Variants in SHISA9 observed in about 807,000 individuals in gnomAD.
SHISA9 encodes the protein protein shisa-9.
A neutral mutation model predicts 38.0 loss-of-function variants in SHISA9; 13 were observed. The ratio of observed to expected loss-of-function variants is 0.34; its 90% CI spans 0.22 to 0.54. The LOEUF (loss-of-function observed/expected upper bound fraction) is 0.54. SHISA9 is among the 20% of genes least tolerant of loss of function. The probability of loss-of-function intolerance (pLI) is 0.91; values close to 1 mark genes in which losing one functional copy is unlikely to be tolerated. For missense variants in SHISA9, 538 were observed against 575.8 expected, an observed-to-expected ratio of 0.93 and a Z score of 0.67; for synonymous variants, 275 against 242.0, an observed-to-expected ratio of 1.14 and a Z score of -1.27.
chr16:13,515,163 A>G, the SHISA9 span, among the ~76,000 whole-genome samples: 1 of 152,206 alleles, frequency 6.6e-6, no homozygotes, highest in African/African-American at 2.4e-5. Flanking sequence ...CCCCTGCTCA[A>G]TGTTGTTGTG....
chr16:13,543,144 G>A, the SHISA9 span, among the ~76,000 whole-genome samples: 1 of 152,212 alleles, frequency 6.6e-6, no homozygotes, highest in East Asian at 1.9e-4. Flanking sequence ...GACAGGTGAG[G>A]TCTCTGGCCT....
At chr16:13,421,572 A>G in the SHISA9 span, among the ~76,000 whole-genome samples, 1 of 152,198 alleles carries the variant, frequency 6.6e-6, no homozygotes, top group African/African-American at 2.4e-5. Flanking sequence ...TACGGGAGCT[A>G]CAATTCAAAA....
At chr16:13,545,817 A>T in the SHISA9 span, among the ~76,000 whole-genome samples, 3 of 152,034 alleles carry the variant, frequency 2.0e-5, no homozygotes, top group Non-Finnish European at 4.4e-5. Context: ...CTACTATCAC[A>T]CGGTGTAAAG....
At chr16:13,527,421 CTTCT>C in the SHISA9 span, among the ~76,000 whole-genome samples, 32 of 152,310 alleles carry the variant, frequency 2.1e-4, no homozygotes, top group South Asian at 1.5e-3. Context: ...GGCTAATTAA[CTTCT>C]TCACTGAGAG....
At chr16:13,559,656 T>A in the SHISA9 span, among the ~76,000 whole-genome samples, 1 of 152,180 alleles carries the variant, frequency 6.6e-6, no homozygotes, top group African/African-American at 2.4e-5. Context: ...GTGTTGGGAT[T>A]GCAGGCATGA....
At chr16:13,462,468 T>C in the SHISA9 span, among the ~76,000 whole-genome samples, 1 of 152,056 alleles carries the variant, frequency 6.6e-6, no homozygotes, top group African/African-American at 2.4e-5. Flanking sequence ...CAGAGGATAT[T>C]ATGTCTCGTT....
At chr16:13,421,565 GGGAGC>G in the SHISA9 span, among the ~76,000 whole-genome samples, 2 of 152,110 alleles carry the variant, frequency 1.3e-5, no homozygotes, top group Non-Finnish European at 2.9e-5. Flanking sequence ...TGGGAATTAC[GGGAGC>G]TACAATTCAA....
At chr16:13,241,242 C>T (rs768573685), downstream of SHISA9, among the ~76,000 whole-genome samples, 8 of 152,156 alleles carry the variant, frequency 5.3e-5, no homozygotes, top group Non-Finnish European at 1.0e-4. Context: ...CAGCCGGGCA[C>T]GGTGGCTCAT....
intron 4 of SHISA9, among the ~76,000 whole-genome samples, chr16:13,220,414 C>G (rs538867961): frequency 6.6e-6 from 1 of 152,188 alleles, no homozygotes; most frequent in Non-Finnish European, 1.5e-5. Flanking sequence ...GCTAACATCT[C>G]TTAGTCACAC....
chr16:13,425,353 G>T, the SHISA9 span, among the ~76,000 whole-genome samples: 1 of 152,214 alleles, frequency 6.6e-6, no homozygotes, highest in Non-Finnish European at 1.5e-5. Context: ...CAGGCATGGT[G>T]GCACGTTTCT....
At chr16:12,983,972 C>T (rs1050609460) in intron 2 of SHISA9, among the ~76,000 whole-genome samples, 4 of 152,246 alleles carry the variant, frequency 2.6e-5, no homozygotes, top group African/African-American at 4.8e-5. Context: ...TTCATAATTC[C>T]TACATTGGTA....
chr16:13,156,021 C>A (rs2050543688), intron 2 of SHISA9, among the ~76,000 whole-genome samples: 1 of 151,914 alleles, frequency 6.6e-6, no homozygotes, highest in African/African-American at 2.4e-5. Flanking sequence ...GTTTACACAG[C>A]AAAAAAACGC....
rs145651887 is a variant in SHISA9 at position 12,962,004 on chromosome 16, G to A, written c.691+45189G>A. 8.5e-4 allele frequency among the ~76,000 whole-genome samples: 129 copies of A among 152,326 alleles called. 1 individual carries two copies. Among genetic ancestry groups the A allele is most frequent in the African/African-American group, 2.8e-3 (118 of 41,572 alleles). ...TGGGATCAGTGTCTGTCCCTGTGGCGACGTCAACATCAGAGCTCCCAGCAT... is the reference window on the plus strand; with the variant it reads ...TGGGATCAGTGTCTGTCCCTGTGGCAACGTCAACATCAGAGCTCCCAGCAT... On this transcript the variant is annotated intron_variant, in intron 2 of 4. Coordinates refer to ENST00000558583, the MANE Select transcript of SHISA9 (RefSeq NM_001145204.3).
chr16:12,963,975 C>T (rs959560945), intron 2 of SHISA9, among the ~76,000 whole-genome samples: 6 of 152,208 alleles, frequency 3.9e-5, no homozygotes, highest in Admixed American at 1.3e-4. Context: ...GTCATAGCCT[C>T]ATAATTAAGT....
At chr16:13,431,847 G>T in the SHISA9 span, among the ~76,000 whole-genome samples, 1 of 152,188 alleles carries the variant, frequency 6.6e-6, no homozygotes, top group African/African-American at 2.4e-5. Flanking sequence ...GATCACCTGA[G>T]GTCAGGAGTT....
chr16:13,375,045 A>G, the SHISA9 span, among the ~76,000 whole-genome samples: 1 of 152,104 alleles, frequency 6.6e-6, no homozygotes, highest in East Asian at 1.9e-4. Flanking sequence ...AAATTTGTTT[A>G]AGTTCTTTGT....
intron 2 of SHISA9, among the ~76,000 whole-genome samples, chr16:13,010,407 C>T (rs564075830): frequency 6.6e-6 from 1 of 152,094 alleles, no homozygotes; most frequent in Non-Finnish European, 1.5e-5. Context: ...CTTAGAGAAT[C>T]GTAGCTTCAG....
chr16:13,053,606 C>T (rs959008797), intron 2 of SHISA9, among the ~76,000 whole-genome samples: 1 of 151,192 alleles, frequency 6.6e-6, no homozygotes, highest in Non-Finnish European at 1.5e-5. Context: ...TCTGACTTCA[C>T]CTTGCCTGAT....
chr16:13,214,476 G>C (rs571267686), intron 4 of SHISA9, among the ~76,000 whole-genome samples: 3 of 152,124 alleles, frequency 2.0e-5, no homozygotes, highest in Non-Finnish European at 4.4e-5. Context: ...AAAGTGCTGG[G>C]ATTACAAGCA....
Sources: gnomAD v4.1 joint callset for allele counts (sites outside exome capture counted in the v4.1 genomes callset) on GRCh38, gnomAD v4.1.1 for gene constraint, MANE v1.5 for transcripts, NCBI Gene and HGNC (gene_info 2026-07-23, HGNC 2026-07-21) for gene names.